The following PEX1 variants were observed in gnomAD, a reference collection of about 807,000 sequenced individuals.
The protein encoded by PEX1 is peroxisomal biogenesis factor 1.
In PEX1, 97 loss-of-function variants were observed where a neutral mutation model predicts 152.5. That is an observed-to-expected ratio of 0.64 (90% confidence interval 0.54 to 0.75). The LOEUF is 0.75. PEX1 is among the 30% of genes least tolerant of loss of function. The pLI is 0.00. For missense variants in PEX1, 1,357 were observed against 1,516.3 expected (o/e 0.89, Z 1.74); for synonymous variants, 485 against 531.6 (o/e 0.91, Z 1.21).
Position 92,494,631 on chromosome 7 carries a change from T to C in PEX1, c.2784-2A>G. 1 of 1,613,808 alleles carries C rather than the reference T, an allele frequency of 6.2e-7. No homozygotes were observed. The highest frequency in any genetic ancestry group is 8.5e-7 in the Non-Finnish European group (1 of 1,179,788). On this transcript the variant is annotated splice_acceptor_variant, in intron 17 of 23. Transcript: ENST00000248633. LOFTEE classifies it high-confidence loss of function. ...ATGCAGGGCTTTGCAGCCTGTGCTC[T>C]GGGAAAAACAAACAACATTTCATAT...
intron 13 of PEX1, among the ~76,000 whole-genome samples, chr7:92,502,587 G>A (rs943402753): frequency 6.6e-6 from 1 of 151,886 alleles, no homozygotes; most frequent in Non-Finnish European, 1.5e-5. Flanking sequence ...CAGTTAACTA[G>A]CACAGGGTCT....
intron 3 of PEX1, 150 bp from the exon 4 acceptor site, chr7:92,518,405 G>T: frequency 1.6e-6 from 1 of 645,092 alleles, no homozygotes; most frequent in Non-Finnish European, 2.8e-6. Context: ...CATATAGATA[G>T]TATAATGGTT....
intron 11 of PEX1, among the ~76,000 whole-genome samples, chr7:92,505,348 G>A (rs1792137678): frequency 6.6e-6 from 1 of 151,448 alleles, no homozygotes; most frequent in African/African-American, 2.4e-5. Context: ...GGGAGGTGGA[G>A]GCTATAGTGA....
chr7:92,515,868 C>A (rs1045844958), intron 5 of PEX1, among the ~76,000 whole-genome samples: 2 of 151,880 alleles, frequency 1.3e-5, no homozygotes, highest in African/African-American at 4.8e-5. Context: ...GTGGCGCACA[C>A]TTGTAGTCCC....
chr7:92,522,009 C>G, intron 2 of PEX1, 93 bp downstream of exon 2: 1 of 1,297,326 alleles, frequency 7.7e-7, no homozygotes. Flanking sequence ...TGACATCTCA[C>G]CTCCTTTAAC....
At position 92,517,595 on chromosome 7, in the gene PEX1, T is replaced by C; in HGVS notation, c.920A>G (p.His307Arg). The change falls in exon 5 of 24, where the codon CAT (histidine) becomes CGT (arginine). Residue 307 changes from histidine to arginine, a missense_variant. Coordinates refer to ENST00000248633, the MANE Select transcript of PEX1 (RefSeq NM_000466.3). ...IYNASATSVF[H>R]KHCAIHVFPW... Reference sequence around the variant, plus strand: ...AAATACATGAATGGCACAGTGTTTATGAAAAACAGAGGTTGCTGACGCGTT... The same window carrying C: ...AAATACATGAATGGCACAGTGTTTACGAAAAACAGAGGTTGCTGACGCGTT... 1.9e-6 allele frequency: 3 copies of C among 1,614,138 alleles called. No individual in the cohort carries two copies. The highest frequency in any genetic ancestry group is 1.6e-4 in the Middle Eastern group (1 of 6,062).
At chr7:92,504,675 C>T in intron 12 of PEX1, 57 bp downstream of exon 12, 1 of 1,525,886 alleles carries the variant, frequency 6.6e-7, no homozygotes, top group East Asian at 2.3e-5. Context: ...ATTGTTAAGA[C>T]TAAAAATGCT....
intron 1 of PEX1, 44 bp downstream of exon 1, chr7:92,528,263 C>G (rs1338356984): frequency 6.5e-7 from 1 of 1,545,684 alleles, no homozygotes; most frequent in East Asian, 2.4e-5. Context: ...CGGCCTCGTC[C>G]GACCCCAGGC....
At chr7:92,491,074 G>T (rs1307841018) in intron 21 of PEX1, among the ~76,000 whole-genome samples, 198 bp downstream of exon 21, 2 of 152,166 alleles carry the variant, frequency 1.3e-5, no homozygotes, top group African/African-American at 2.4e-5. Context: ...TTGGTTCCTT[G>T]CTCCCAGCCC....
chr7:92,517,624 T>C lies in PEX1; in HGVS notation c.891A>G (p.Ile297Met), dbSNP rs143206380. 33 of 1,613,994 alleles carry C rather than the reference T, an allele frequency of 2.0e-5. No homozygotes were observed. The African/African-American group carries it at 3.5e-4, about 17-fold the overall frequency. ...FRVCKSQPPS[I>M]YNASATSVFH... ...AAACAGAGGTTGCTGACGCGTTATA[T>C]ATACTAGGAGGTTGAGATTTGCATA... The change falls in exon 5 of 24, where the codon ATA becomes ATG. Residue 297 changes from isoleucine to methionine, a missense_variant. Ile to Met is a conservative substitution (Grantham distance 10). Coordinates refer to ENST00000248633, the MANE Select transcript of PEX1 (RefSeq NM_000466.3).
At chr7:92,515,935 A>C (rs1431051330) in intron 5 of PEX1, among the ~76,000 whole-genome samples, 1 of 151,532 alleles carries the variant, frequency 6.6e-6, no homozygotes, top group Non-Finnish European at 1.5e-5. Context: ...TGGAGGTTGT[A>C]GTGAGTGGAG....
chr7:92,490,006 A>G (rs1057508831), intron 21 of PEX1, 95 bp from the exon 22 acceptor site: 11 of 960,620 alleles, frequency 1.1e-5, no homozygotes, highest in Non-Finnish European at 1.8e-5. Flanking sequence ...ATTTTAAGCA[A>G]TAAAACATTA....
At position 92,518,212 on chromosome 7, in the gene PEX1, A is replaced by G; in HGVS notation, c.401T>C (p.Ile134Thr). The change falls in exon 4 of 24, where the codon ATT becomes ACT. Residue 134 changes from isoleucine (I) to threonine (T), a missense_variant. Coordinates refer to ENST00000248633, the MANE Select transcript of PEX1 (RefSeq NM_000466.3). The stretch of plus-strand genomic sequence containing the variant: ...AATGGCTTTTGGAAAAACTATTCGA[A>G]TTTGATCTAGAAGATGTTGTTCAAG... ...VSLEQHLLDQIRIVFPKAIFP... is the reference protein window; with the variant it reads ...VSLEQHLLDQTRIVFPKAIFP... The G allele has an allele frequency of 3.1e-6, 5 of 1,613,706 alleles. No individual in the cohort carries two copies. The highest frequency in any genetic ancestry group is 4.2e-6 in the Non-Finnish European group (5 of 1,179,626).
intron 17 of PEX1, among the ~76,000 whole-genome samples, chr7:92,494,991 T>C (rs534114030): frequency 6.6e-6 from 1 of 151,884 alleles, no homozygotes; most frequent in South Asian, 2.1e-4. Context: ...AGTCAATAAG[T>C]CAAACACTTT....
chr7:92,517,512 G>A lies in PEX1; in HGVS notation c.1003C>T (p.Leu335=). 1 of 1,613,892 alleles carries A rather than the reference G, an allele frequency of 6.2e-7. No homozygotes were observed. The highest frequency in any genetic ancestry group is 8.5e-7 in the Non-Finnish European group (1 of 1,179,980). ...TGCTTTGGAGAAAGTAGCTTAACTA[G>A]CTTTCCATATGTCACAGTAAAGCTG... ...EPSFTVTYGK[L]VKLLSPKQQQ... The change falls in exon 5 of 24, where the codon CTA becomes TTA. Residue 335 remains leucine (L), a synonymous_variant. Transcript: ENST00000248633.
At chr7:92,520,507 T>C (rs1304634301) in intron 2 of PEX1, among the ~76,000 whole-genome samples, 6 of 152,212 alleles carry the variant, frequency 3.9e-5, no homozygotes, top group African/African-American at 1.4e-4. Flanking sequence ...AAATTAGTAA[T>C]AGAGAGCAAT....
chr7:92,488,488 G>C (rs985564230), intron 23 of PEX1, among the ~76,000 whole-genome samples: 1 of 152,028 alleles, frequency 6.6e-6, no homozygotes, highest in African/African-American at 2.4e-5. Context: ...CCAGTCCATG[G>C]GTCTCAGATG....
At chr7:92,490,176 C>T (rs1312882350) in intron 21 of PEX1, 1 of 478,902 alleles carries the variant, frequency 2.1e-6, no homozygotes, top group Admixed American at 3.6e-5. Flanking sequence ...TTAAATCCAA[C>T]ACACTAATGC....
At position 92,528,330 on chromosome 7, in the gene PEX1, C is replaced by G; in HGVS notation, c.106G>C (p.Val36Leu). The G allele has an allele frequency of 1.3e-6, 2 of 1,565,666 alleles. No individual in the cohort carries two copies. The highest frequency in any genetic ancestry group is 1.2e-5 in the South Asian group (1 of 85,390). The change falls in exon 1 of 24, where the codon GTG becomes CTG. Residue 36 changes from valine (V) to leucine (L), a missense_variant. Coordinates refer to ENST00000248633, the MANE Select transcript of PEX1 (RefSeq NM_000466.3). ...DCFLHLPRRLVAQLHLLQNQA... is the reference protein window; with the variant it reads ...DCFLHLPRRLLAQLHLLQNQA... ...ACCTGCAGCAGATGCAGCTGGGCCA[C>G]GAGACGCCGCGGCAGGTGGAGGAAG...
Sources: allele counts gnomAD v4.1 joint callset (sites outside exome capture counted in the v4.1 genomes callset), GRCh38; gene constraint gnomAD v4.1.1; transcripts MANE v1.5; gene names NCBI Gene and HGNC (gene_info 2026-07-23, HGNC 2026-07-21).